PDE4B: variants seen among roughly 807,000 people sequenced by gnomAD.
The protein encoded by PDE4B is 3',5'-cyclic-AMP phosphodiesterase 4B.
Under a neutral mutation model 82.2 loss-of-function variants are expected in PDE4B, and 20 were observed. That is an observed-to-expected ratio of 0.24 (90% confidence interval 0.17 to 0.35). PDE4B has a LOEUF of 0.35. PDE4B is among the 10% of genes least tolerant of loss of function. The pLI, the probability that PDE4B is intolerant of heterozygous loss-of-function variation, is 1.00. For missense variants in PDE4B, 655 were observed against 907.2 expected (o/e 0.72, Z 3.57); for synonymous variants, 320 against 318.9 (o/e 1.00, Z -0.04).
At chr1:65,815,694 A>T (rs971303979) in intron 1 of PDE4B, among the ~76,000 whole-genome samples, 1 of 152,220 alleles carries the variant, frequency 6.6e-6, no homozygotes, top group Non-Finnish European at 1.5e-5. Flanking sequence ...AAGCTAAAAA[A>T]ATTTAAACTG....
intron 3 of PDE4B, among the ~76,000 whole-genome samples, chr1:66,033,807 T>G (rs937442030): frequency 2.9e-4 from 44 of 152,060 alleles, no homozygotes; most frequent in African/African-American, 9.7e-4. Flanking sequence ...AATTTTGCTT[T>G]AAGCTTTCCA....
chr1:66,217,062 A>T (rs1570489160), intron 3 of PDE4B, among the ~76,000 whole-genome samples: 1 of 152,226 alleles, frequency 6.6e-6, no homozygotes, highest in Non-Finnish European at 1.5e-5. Context: ...TTATTCTCCC[A>T]GCATAAAAAA....
chr1:65,805,959 T>A (rs1204287530), intron 1 of PDE4B, among the ~76,000 whole-genome samples: 1 of 152,130 alleles, frequency 6.6e-6, no homozygotes, highest in Non-Finnish European at 1.5e-5. Flanking sequence ...CTAATTTTGG[T>A]GGGGGAGCTC....
intron 1 of PDE4B, among the ~76,000 whole-genome samples, chr1:65,883,260 T>C (rs1227120316): frequency 1.3e-5 from 2 of 152,234 alleles, no homozygotes; most frequent in African/African-American, 4.8e-5. Flanking sequence ...ATGGCCATTT[T>C]CACAATATTG....
chr1:66,351,441 G>A (rs1022388515), intron 8 of PDE4B, among the ~76,000 whole-genome samples: 2 of 152,164 alleles, frequency 1.3e-5, no homozygotes, highest in Admixed American at 6.5e-5. Flanking sequence ...TTCGAGTCTG[G>A]ATGAAACGTG....
chr1:66,014,103 A>C (rs1652639133), intron 3 of PDE4B, among the ~76,000 whole-genome samples: 1 of 152,052 alleles, frequency 6.6e-6, no homozygotes, highest in Non-Finnish European at 1.5e-5. Flanking sequence ...TTCTCTGGAA[A>C]ATGTCTGTTT....
intron 3 of PDE4B, among the ~76,000 whole-genome samples, chr1:66,235,548 T>C (rs1652341443): frequency 1.3e-5 from 2 of 152,232 alleles, no homozygotes; most frequent in African/African-American, 4.8e-5. Context: ...TCATAGTTTA[T>C]CTTTTTTCAT....
intron 3 of PDE4B, chr1:66,050,612 A>C (rs2100859557): frequency 6.6e-6 from 1 of 152,156 alleles, no homozygotes; most frequent in East Asian, 1.9e-4. Flanking sequence ...GCTCTACTTT[A>C]AAAGCAATGC....
chr1:65,897,267 A>G (rs1253831896), intron 1 of PDE4B, among the ~76,000 whole-genome samples: 2 of 152,156 alleles, frequency 1.3e-5, no homozygotes, highest in African/African-American at 4.8e-5. Context: ...CTGTACACAG[A>G]TATATAATGC....
Position 66,274,052 on chromosome 1 carries a change from C to A in PDE4B, c.634+7965C>A, listed in dbSNP as rs530163732. Among the ~76,000 whole-genome samples the A allele has an allele frequency of 7.9e-5, 12 of 152,306 alleles. No individual in the cohort carries two copies. In the South Asian group the frequency reaches 2.5e-3, roughly 32 times the overall value. The stretch of plus-strand genomic sequence containing the variant: ...TCTTAGTGCCTGGCATTGTGCTTGC[C>A]ACAAAGTAGGCACTCAAGTAGCATA... On this transcript the variant is annotated intron_variant, in intron 7 of 16. Coordinates refer to ENST00000341517, the MANE Select transcript of PDE4B (RefSeq NM_002600.4).
chr1:65,982,321 GC>G (rs1557475423), intron 3 of PDE4B, among the ~76,000 whole-genome samples: 2 of 152,124 alleles, frequency 1.3e-5, no homozygotes, highest in East Asian at 3.9e-4. Flanking sequence ...GCAAAGGGTC[GC>G]AAACACATCC....
intron 4 of PDE4B, among the ~76,000 whole-genome samples, chr1:66,249,186 G>A (rs1226117819): frequency 6.6e-6 from 1 of 152,226 alleles, no homozygotes; most frequent in African/African-American, 2.4e-5. Context: ...TCTGACAAAA[G>A]TTTGAATGGG....
At chr1:66,372,245 A>T in intron 16 of PDE4B, 68 bp from the exon 17 acceptor site, 2 of 1,473,450 alleles carry the variant, frequency 1.4e-6, no homozygotes, top group Non-Finnish European at 1.8e-6. Flanking sequence ...TTGCATGGAA[A>T]CCAGGAAACC....
intron 8 of PDE4B, among the ~76,000 whole-genome samples, chr1:66,334,476 G>A (rs1400973920): frequency 1.3e-5 from 2 of 152,188 alleles, no homozygotes; most frequent in Admixed American, 1.3e-4. Flanking sequence ...CACGGGTGAG[G>A]ATTCCAATCC....
chr1:65,962,710 G>C (rs1649604053), intron 3 of PDE4B, among the ~76,000 whole-genome samples: 1 of 152,130 alleles, frequency 6.6e-6, no homozygotes, highest in African/African-American at 2.4e-5. Flanking sequence ...GAGAAATGGA[G>C]AGCAGCAGAT....
chr1:65,874,123 G>A (rs2100311614), intron 1 of PDE4B, among the ~76,000 whole-genome samples: 1 of 151,844 alleles, frequency 6.6e-6, no homozygotes, highest in East Asian at 1.9e-4. Context: ...TCCTTGAAGA[G>A]GTCCTTCACA....
chr1:66,311,861 C>G (rs1658694902), intron 7 of PDE4B, among the ~76,000 whole-genome samples: 2 of 152,302 alleles, frequency 1.3e-5, no homozygotes, highest in South Asian at 4.1e-4. Context: ...AAAGTCAGGG[C>G]TGATTCCTGA....
chr1:65,885,855 T>TATAATA (rs34224891), intron 1 of PDE4B, among the ~76,000 whole-genome samples: 46 of 141,368 alleles, frequency 3.3e-4, no homozygotes, highest in South Asian at 1.1e-3. Flanking sequence ...AAACTTAACG[T>TATAATA]ATAATAATAA....
chr1:66,261,169 A>G (rs570346380), intron 6 of PDE4B, among the ~76,000 whole-genome samples: 1 of 152,316 alleles, frequency 6.6e-6, no homozygotes, highest in Non-Finnish European at 1.5e-5. Flanking sequence ...AATGAAATCA[A>G]TTAGCCATCT....
Sources: gnomAD v4.1 joint callset for allele counts (sites outside exome capture counted in the v4.1 genomes callset) on GRCh38, gnomAD v4.1.1 for gene constraint, MANE v1.5 for transcripts, NCBI Gene and HGNC (gene_info 2026-07-23, HGNC 2026-07-21) for gene names.